Variants in SCFD2 observed in about 807,000 individuals in gnomAD.
The protein encoded by SCFD2 is sec1 family domain containing 2.
A neutral mutation model predicts 58.9 loss-of-function variants in SCFD2; 54 were observed. The ratio of observed to expected loss-of-function variants is 0.92; its 90% CI spans 0.74 to 1.15. SCFD2 has a LOEUF of 1.15. SCFD2 is among the 50% of genes most tolerant of loss of function. The pLI is 0.00. For synonymous variants in SCFD2, 321 were observed against 335.9 expected (o/e 0.96, Z 0.49); for missense variants, 805 against 836.6 (o/e 0.96, Z 0.47).
chr4:53,253,550 T>C (rs1462136830), intron 4 of SCFD2, among the ~76,000 whole-genome samples: 1 of 152,112 alleles, frequency 6.6e-6, no homozygotes, highest in Non-Finnish European at 1.5e-5. Flanking sequence ...CATGGAATAC[T>C]ATGTAGCCAT....
At position 53,313,701 on chromosome 4, in the gene SCFD2, A is replaced by G. The variant is rs749551840; in HGVS notation, c.1070T>C (p.Met357Thr). 73 of 1,613,976 alleles carry G rather than the reference A, an allele frequency of 4.5e-5. No homozygotes were observed. The South Asian group carries it at 6.1e-4, about 14-fold the overall frequency. Residue 357 changes from methionine (M) to threonine (T), a missense_variant, in exon 3 of 9, where the codon ATG (methionine) becomes ACG (threonine). This residue lies in a region of SCFD2 where 633 missense variants were observed against 646.8 expected (regional missense o/e 0.98). Coordinates refer to ENST00000401642, the MANE Select transcript of SCFD2 (RefSeq NM_152540.4). ...TTCCACTAGATGTCTCCGAACTTCC[A>G]TCACTGCCTCTTTGTGCTTAGTGTT... is the stretch of plus-strand genomic sequence containing the variant. ...LLNTKHKEAVMEVRRHLVEAA... is the reference protein window; with the variant it reads ...LLNTKHKEAVTEVRRHLVEAA...
At chr4:53,314,309 T>A (rs919497409) in intron 2 of SCFD2, among the ~76,000 whole-genome samples, 1 of 152,180 alleles carries the variant, frequency 6.6e-6, no homozygotes, top group Non-Finnish European at 1.5e-5. Context: ...GCCTGAAGTA[T>A]CCCACTTTGG....
At chr4:53,317,350 C>T (rs1267625644) in intron 2 of SCFD2, among the ~76,000 whole-genome samples, 1 of 152,142 alleles carries the variant, frequency 6.6e-6, no homozygotes, top group African/African-American at 2.4e-5. Context: ...CACCAAGTCA[C>T]TCTATTACTG....
At chr4:53,070,033 T>C (rs1723773394) in intron 5 of SCFD2, among the ~76,000 whole-genome samples, 1 of 152,052 alleles carries the variant, frequency 6.6e-6, no homozygotes, top group Non-Finnish European at 1.5e-5. Context: ...GGGTCGTGTG[T>C]TTCAATGTTG....
chr4:53,024,078 C>A (rs1436073543), intron 5 of SCFD2, among the ~76,000 whole-genome samples: 2 of 152,106 alleles, frequency 1.3e-5, no homozygotes, highest in African/African-American at 4.8e-5. Context: ...CTAGAAACAA[C>A]CAACCAATGG....
intron 4 of SCFD2, among the ~76,000 whole-genome samples, chr4:53,215,312 A>G (rs1303120499): frequency 6.6e-6 from 1 of 152,028 alleles, no homozygotes; most frequent in East Asian, 1.9e-4. Context: ...ATTTGTTTGT[A>G]TCCTCTTTTA....
At chr4:53,033,649 C>A (rs1263310427) in intron 5 of SCFD2, among the ~76,000 whole-genome samples, 1 of 152,088 alleles carries the variant, frequency 6.6e-6, no homozygotes, top group African/African-American at 2.4e-5. Flanking sequence ...CACCACTGAT[C>A]CCACAGAAAT....
chr4:52,917,410 T>C (rs1301606267), intron 6 of SCFD2, among the ~76,000 whole-genome samples: 1 of 152,170 alleles, frequency 6.6e-6, no homozygotes, highest in Non-Finnish European at 1.5e-5. Context: ...TGTTATCCTC[T>C]GTGCTAAGTT....
At chr4:52,897,222 C>T (rs545981464) in intron 7 of SCFD2, among the ~76,000 whole-genome samples, 2 of 152,190 alleles carry the variant, frequency 1.3e-5, no homozygotes, top group African/African-American at 4.8e-5. Context: ...AGAGGGCATC[C>T]CTGTCTTGTG....
intron 5 of SCFD2, among the ~76,000 whole-genome samples, chr4:52,975,101 T>G (rs924775960): frequency 7.9e-5 from 12 of 152,242 alleles, no homozygotes; most frequent in African/African-American, 2.4e-4. Context: ...ATTCAGGACA[T>G]AGGCATGGGC....
chr4:53,310,919 C>G (rs537031707), intron 3 of SCFD2, among the ~76,000 whole-genome samples: 10 of 152,144 alleles, frequency 6.6e-5, no homozygotes, highest in African/African-American at 2.2e-4. Context: ...ATACTAGAAG[C>G]CTTTATCACA....
chr4:52,894,361 G>A (rs1038921214), intron 7 of SCFD2, among the ~76,000 whole-genome samples: 2 of 152,164 alleles, frequency 1.3e-5, no homozygotes, highest in African/African-American at 2.4e-5. Flanking sequence ...ATGTCCTTTA[G>A]TCAAAACAAG....
intron 2 of SCFD2, among the ~76,000 whole-genome samples, chr4:53,343,136 C>G (rs963316447): frequency 1.1e-4 from 16 of 152,034 alleles, no homozygotes; most frequent in African/African-American, 3.9e-4. Flanking sequence ...GACAGAGACA[C>G]AAAAAACCCA....
At chr4:53,296,330 A>T (rs1397987031) in intron 3 of SCFD2, among the ~76,000 whole-genome samples, 1 of 152,158 alleles carries the variant, frequency 6.6e-6, no homozygotes, top group Non-Finnish European at 1.5e-5. Flanking sequence ...TTATCGGTCT[A>T]TTCAGGGATT....
At position 53,003,824 on chromosome 4, in the gene SCFD2, T is replaced by C. The variant is rs551792453; in HGVS notation, c.1562-82954A>G. Among the ~76,000 whole-genome samples, 178 of 152,292 alleles carry C rather than the reference T, an allele frequency of 1.2e-3. 1 individual carries two copies. The highest frequency in any genetic ancestry group is 4.2e-3 in the African/African-American group (173 of 41,566). On this transcript the variant is annotated intron_variant, in intron 5 of 8. Transcript: ENST00000401642. Reference sequence around the variant, plus strand: ...GAAAAGGATTCCTTTCAAAGTTAAATCACAACCTTCATGATAGCACTGGTC... The same window carrying C: ...GAAAAGGATTCCTTTCAAAGTTAAACCACAACCTTCATGATAGCACTGGTC...
chr4:53,360,148 T>C (rs1734511485), intron 1 of SCFD2, among the ~76,000 whole-genome samples: 1 of 152,222 alleles, frequency 6.6e-6, no homozygotes, highest in Non-Finnish European at 1.5e-5. Flanking sequence ...AATACAGCTA[T>C]GTACCCACTG....
intron 4 of SCFD2, among the ~76,000 whole-genome samples, chr4:53,194,121 G>A (rs934615722): frequency 2.0e-5 from 3 of 152,094 alleles, no homozygotes; most frequent in African/African-American, 4.8e-5. Flanking sequence ...CACAGACAAC[G>A]TACATTTATA....
chr4:53,298,994 A>T (rs578246697), intron 3 of SCFD2, among the ~76,000 whole-genome samples: 1 of 152,314 alleles, frequency 6.6e-6, no homozygotes, highest in East Asian at 1.9e-4. Context: ...AAAGATGGGG[A>T]AAAAACAGAG....
intron 4 of SCFD2, among the ~76,000 whole-genome samples, chr4:53,206,965 C>G (rs1242669271): frequency 1.3e-5 from 2 of 151,944 alleles, no homozygotes; most frequent in African/African-American, 4.8e-5. Context: ...ATTCTGGAGC[C>G]TGAGAAGTCC....
Sources: gnomAD v4.1 joint callset for allele counts (sites outside exome capture counted in the v4.1 genomes callset) on GRCh38, gnomAD v4.1.1 for gene constraint, gnomAD v4.1.1 regional missense constraint, MANE v1.5 for transcripts, NCBI Gene and HGNC (gene_info 2026-07-23, HGNC 2026-07-21) for gene names.